The following SHANK2 variants were observed in gnomAD, a reference collection of about 807,000 sequenced individuals.
The protein encoded by SHANK2 is SH3 and multiple ankyrin repeat domains 2.
In SHANK2, 43 loss-of-function variants were observed where a neutral mutation model predicts 133.7. The ratio of observed to expected loss-of-function variants is 0.32; its 90% CI spans 0.25 to 0.41. The LOEUF (loss-of-function observed/expected upper bound fraction) is 0.41. Among genes scored for constraint, SHANK2 ranks in the 10% least tolerant of loss-of-function variants. The pLI is 1.00. For synonymous variants in SHANK2, 1,017 were observed against 952.8 expected, an observed-to-expected ratio of 1.07 and a Z score of -1.24; for missense variants, 1,994 against 2,235.8, an observed-to-expected ratio of 0.89 and a Z score of 2.18.
chr11:70,611,820 T>C (rs922456872), intron 17 of SHANK2, among the ~76,000 whole-genome samples: 3 of 152,120 alleles, frequency 2.0e-5, no homozygotes, highest in African/African-American at 7.2e-5. Context: ...TGGGGGAGTT[T>C]AGGAAACTGC....
At position 71,135,755 on chromosome 11, in the gene SHANK2, C is replaced by T. The variant is rs537010319; in HGVS notation, c.207+11365G>A. Among the ~76,000 whole-genome samples the T allele has an allele frequency of 2.0e-5, 3 of 152,116 alleles. No individual in the cohort carries two copies. In the South Asian group the frequency reaches 6.2e-4, roughly 32 times the overall value. On this transcript the variant is annotated intron_variant, in intron 3 of 25. Transcript: ENST00000601538. Reference sequence around the variant, plus strand: ...ACAGGCATGAGCCACCGTGCCCAGCCGGGGAGGACCTGATTTTTATCCTCA... The same window carrying T: ...ACAGGCATGAGCCACCGTGCCCAGCTGGGGAGGACCTGATTTTTATCCTCA...
At chr11:70,863,148 C>A (rs1555068146) in intron 11 of SHANK2, 1 of 359,986 alleles carries the variant, frequency 2.8e-6, no homozygotes, top group East Asian at 7.4e-5. Flanking sequence ...AGGGACAAAT[C>A]TCAAAAATAA....
intron 2 of SHANK2, among the ~76,000 whole-genome samples, chr11:71,147,731 T>G (rs1555107058): frequency 6.6e-6 from 1 of 152,218 alleles, no homozygotes; most frequent in African/African-American, 2.4e-5. Flanking sequence ...AAAGGCTGCC[T>G]TTTGTTTTCC....
At chr11:71,075,431 C>T (rs878946388) in intron 8 of SHANK2, among the ~76,000 whole-genome samples, 156 bp from the exon 9 acceptor site, 34,947 of 152,076 alleles carry the variant, frequency 0.23, 4,604 homozygotes, top group Non-Finnish European at 0.27. Context: ...TCTGGGCAAG[C>T]GCTCTAAAGA....
intron 11 of SHANK2, among the ~76,000 whole-genome samples, chr11:70,893,811 G>T (rs1555075172): frequency 6.6e-6 from 1 of 152,174 alleles, no homozygotes; most frequent in Non-Finnish European, 1.5e-5. Context: ...AGCCAGTCCT[G>T]CTTCTTTCCT....
At position 70,477,094 on chromosome 11, in the gene SHANK2, C is replaced by T. The variant is rs115953604; in HGVS notation, c.4980-3655G>A. 6.1e-4 allele frequency among the ~76,000 whole-genome samples: 93 copies of T among 152,286 alleles called. 1 individual carries two copies. In the South Asian group the frequency reaches 0.015, roughly 24 times the overall value. ...GCTCTGCAAACACCTCGGTGGGCAG[C>T]GGGAGCGCGAGAGTGGCACACACGG... On this transcript the variant is annotated intron_variant, in intron 25 of 25. Transcript: ENST00000601538.
chr11:71,133,684 A>G (rs2135345387), intron 3 of SHANK2, among the ~76,000 whole-genome samples: 1 of 151,968 alleles, frequency 6.6e-6, no homozygotes, highest in Non-Finnish European at 1.5e-5. Flanking sequence ...GTTGGGCCAC[A>G]CTCCATGGAC....
At chr11:70,875,101 C>T (rs1004830896) in intron 11 of SHANK2, among the ~76,000 whole-genome samples, 21 of 152,094 alleles carry the variant, frequency 1.4e-4, no homozygotes, top group African/African-American at 5.1e-4. Flanking sequence ...GATCTTAGAC[C>T]AACGATTGGG....
At chr11:70,860,797 T>C (rs1245980035) in intron 11 of SHANK2, among the ~76,000 whole-genome samples, 2 of 152,176 alleles carry the variant, frequency 1.3e-5, no homozygotes, top group Non-Finnish European at 2.9e-5. Context: ...GGAGGATCAC[T>C]TGGGCCCAGG....
chr11:70,544,652 G>C (rs2059666695), intron 17 of SHANK2, among the ~76,000 whole-genome samples: 1 of 152,190 alleles, frequency 6.6e-6, no homozygotes, highest in Non-Finnish European at 1.5e-5. Flanking sequence ...GATGGACTTG[G>C]GACCAGGAGC....
chr11:71,109,416 C>T (rs1289136282), intron 6 of SHANK2, among the ~76,000 whole-genome samples: 13 of 152,154 alleles, frequency 8.5e-5, no homozygotes, highest in African/African-American at 2.4e-4. Flanking sequence ...AGGATGGCCG[C>T]GCTGCAAAGA....
chr11:71,168,036 C>T (rs7940049), intron 2 of SHANK2, among the ~76,000 whole-genome samples: 5,422 of 63,346 alleles, frequency 0.086, 95 homozygotes, highest in African/African-American at 0.24. Context: ...GACGGGGCGG[C>T]TGCCAGGCGG....
intron 20 of SHANK2, among the ~76,000 whole-genome samples, chr11:70,501,306 A>G (rs2135816579): frequency 6.6e-6 from 1 of 152,338 alleles, no homozygotes; most frequent in East Asian, 1.9e-4. Flanking sequence ...AGCACTTAGC[A>G]CTTGCTAGAC....
intron 17 of SHANK2, among the ~76,000 whole-genome samples, chr11:70,542,917 C>T (rs980864155): frequency 6.6e-6 from 1 of 152,180 alleles, no homozygotes; most frequent in Non-Finnish European, 1.5e-5. Flanking sequence ...ACTGTCCCCC[C>T]ATCTGGAGAT....
chr11:70,617,169 T>A (rs1258364700), intron 17 of SHANK2, among the ~76,000 whole-genome samples: 1 of 151,478 alleles, frequency 6.6e-6, no homozygotes, highest in Non-Finnish European at 1.5e-5. Flanking sequence ...GTGAGCTGTC[T>A]GTGTGTGTGT....
intron 23 of SHANK2, chr11:70,489,872 C>T (rs912003452): frequency 1.6e-4 from 49 of 304,520 alleles, no homozygotes; most frequent in Non-Finnish European, 2.4e-4. Context: ...CTGCTGAGCT[C>T]ATACTCCAGG....
rs940849966 is a variant in SHANK2 at position 71,077,423 on chromosome 11, T to C, written c.913-2148A>G. The stretch of plus-strand genomic sequence containing the variant: ...GCAAAATAGGCTCAATGGGAAGAGA[T>C]GAAACGGAACCGCTGACTCCGGGTG... On this transcript the variant is annotated intron_variant, in intron 8 of 25. Transcript: ENST00000601538. Among the ~76,000 whole-genome samples the C allele has an allele frequency of 1.3e-3, 197 of 152,256 alleles. 1 individual carries two copies. Among genetic ancestry groups the C allele is most frequent in the African/African-American group, 4.5e-3 (185 of 41,536 alleles).
At chr11:70,611,965 G>T (rs1554994353) in intron 17 of SHANK2, among the ~76,000 whole-genome samples, 1 of 151,562 alleles carries the variant, frequency 6.6e-6, no homozygotes, top group Non-Finnish European at 1.5e-5. Context: ...GGTGGGGGAG[G>T]GGGGGCGGGT....
At chr11:71,141,506 TCAAA>T (rs781996994) in intron 3 of SHANK2, among the ~76,000 whole-genome samples, 16 of 152,148 alleles carry the variant, frequency 1.1e-4, no homozygotes, top group Middle Eastern at 3.4e-3. Context: ...AGACTCTTTC[TCAAA>T]CAAACAAACA....
Sources: gnomAD v4.1 joint callset for allele counts (sites outside exome capture counted in the v4.1 genomes callset) on GRCh38, gnomAD v4.1.1 for gene constraint, MANE v1.5 for transcripts, NCBI Gene and HGNC (gene_info 2026-07-23, HGNC 2026-07-21) for gene names.